Variants in HIP1 observed in about 807,000 individuals in gnomAD.
HIP1 encodes huntingtin interacting protein 1.
Under a neutral mutation model 147.6 loss-of-function variants are expected in HIP1, and 65 were observed. That is an observed-to-expected ratio of 0.44 (90% confidence interval 0.36 to 0.54). The LOEUF is 0.54. HIP1 is among the 20% of genes least tolerant of loss of function. The pLI is 0.00. For missense variants in HIP1, 1,061 were observed against 1,299.6 expected, an observed-to-expected ratio of 0.82 and a Z score of 2.82; for synonymous variants, 479 against 504.0, an observed-to-expected ratio of 0.95 and a Z score of 0.67.
chr7:75,660,253 G>A (rs945500904), intron 1 of HIP1, among the ~76,000 whole-genome samples: 5 of 150,668 alleles, frequency 3.3e-5, no homozygotes, highest in Admixed American at 3.3e-4. Context: ...TGGGCCTGGA[G>A]CAGTGGTTCA....
intron 1 of HIP1, among the ~76,000 whole-genome samples, chr7:75,632,923 G>A (rs1467674340): frequency 2.0e-5 from 3 of 152,126 alleles, no homozygotes; most frequent in East Asian, 1.9e-4. Context: ...ACGAAACACC[G>A]CATGTTCTCA....
chr7:75,730,393 G>A (rs1174156236), intron 1 of HIP1, among the ~76,000 whole-genome samples: 2 of 150,904 alleles, frequency 1.3e-5, no homozygotes, highest in Non-Finnish European at 2.9e-5. Context: ...AGGCTGGAGT[G>A]CAATGGCGCG....
intron 1 of HIP1, among the ~76,000 whole-genome samples, chr7:75,634,684 G>A (rs2117136779): frequency 6.6e-6 from 1 of 152,168 alleles, no homozygotes; most frequent in Non-Finnish European, 1.5e-5. Flanking sequence ...TCAGCACTTT[G>A]GGATGCTGAG....
chr7:75,682,359 C>A (rs2262259), intron 1 of HIP1, among the ~76,000 whole-genome samples: 6 of 151,258 alleles, frequency 4.0e-5, no homozygotes, highest in African/African-American at 1.5e-4. Flanking sequence ...TGGGCTCAAG[C>A]GATCCTCCCG....
chr7:75,701,960 C>T (rs1385016504), intron 1 of HIP1, among the ~76,000 whole-genome samples: 2 of 151,712 alleles, frequency 1.3e-5, no homozygotes, highest in Non-Finnish European at 2.9e-5. Flanking sequence ...GACAGAGTCT[C>T]GCTCTGTCGC....
chr7:75,685,383 C>T (rs1554517468), intron 1 of HIP1, among the ~76,000 whole-genome samples: 1 of 152,198 alleles, frequency 6.6e-6, no homozygotes, highest in Non-Finnish European at 1.5e-5. Context: ...TTTTGTTGGG[C>T]TTTTAAATTT....
chr7:75,563,347 C>T, intron 9 of HIP1, 84 bp from the exon 10 acceptor site: 2 of 1,230,618 alleles, frequency 1.6e-6, no homozygotes, highest in Non-Finnish European at 2.4e-6. Flanking sequence ...GGCTTTCCTG[C>T]CCCCTCCCCA....
chr7:75,587,032 C>T (rs1434239302), intron 4 of HIP1, among the ~76,000 whole-genome samples, 199 bp from the exon 5 acceptor site: 3 of 152,130 alleles, frequency 2.0e-5, no homozygotes, highest in Non-Finnish European at 4.4e-5. Flanking sequence ...CCTCCACCTC[C>T]TGGGTTCAAG....
chr7:75,734,291 T>C (rs1398856900), intron 1 of HIP1, among the ~76,000 whole-genome samples: 2 of 138,598 alleles, frequency 1.4e-5, no homozygotes, highest in South Asian at 4.6e-4. Flanking sequence ...TAAATAAATT[T>C]TAAAGATCAG....
intron 1 of HIP1, among the ~76,000 whole-genome samples, chr7:75,604,440 C>T (rs1327395804): frequency 1.3e-5 from 2 of 152,026 alleles, no homozygotes; most frequent in African/African-American, 4.8e-5. Context: ...TTAGGAGACT[C>T]AGGTGGGAAG....
chr7:75,597,719 G>A (rs587646926), intron 2 of HIP1, among the ~76,000 whole-genome samples: 202 of 125,290 alleles, frequency 1.6e-3, no homozygotes, highest in African/African-American at 6.1e-3. Flanking sequence ...CAGCCTAGGC[G>A]ACAGAGCAAG....
intron 28 of HIP1, among the ~76,000 whole-genome samples, chr7:75,542,205 G>A (rs1794348582): frequency 6.6e-6 from 1 of 152,106 alleles, no homozygotes; most frequent in South Asian, 2.1e-4. Context: ...AGACCAGCCT[G>A]GCCAACATGG....
In HIP1 at chr7:75,660,058, G is replaced by A. The variant is rs782068024; in HGVS notation, c.121-60811C>T. ...GAAGAATCGCGTGAACCGGAGAAGC[G>A]GAGGTTGCACTGAGCCGAGATAGTG... On this transcript the variant is annotated intron_variant, in intron 1 of 30. Transcript: ENST00000336926. 4.6e-5 allele frequency among the ~76,000 whole-genome samples: 7 copies of A among 150,870 alleles called. No homozygotes were observed. The East Asian group carries it at 5.9e-4, about 13-fold the overall frequency.
chr7:75,650,366 G>A (rs1798931273), intron 1 of HIP1, among the ~76,000 whole-genome samples: 2 of 152,052 alleles, frequency 1.3e-5, no homozygotes, highest in Non-Finnish European at 2.9e-5. Flanking sequence ...GCCCAGTTCA[G>A]GAGCTGCCAG....
intron 1 of HIP1, among the ~76,000 whole-genome samples, chr7:75,706,623 A>ATTTTTTT (rs71082342): frequency 2.9e-5 from 3 of 103,640 alleles, no homozygotes; most frequent in African/African-American, 1.2e-4. Flanking sequence ...TCAACTCGTC[A>ATTTTTTT]TTTTTTTTTT....
At chr7:75,700,450 T>C (rs1336295034) in intron 1 of HIP1, among the ~76,000 whole-genome samples, 2 of 152,138 alleles carry the variant, frequency 1.3e-5, no homozygotes, top group African/African-American at 2.4e-5. Context: ...GATGGGCCTT[T>C]GCAGAGAAAG....
intron 1 of HIP1, among the ~76,000 whole-genome samples, chr7:75,620,404 A>T (rs587641800): frequency 2.0e-5 from 3 of 148,410 alleles, no homozygotes; most frequent in African/African-American, 7.5e-5. Context: ...AAAAAAAAAA[A>T]GGCCAGGCAC....
At chr7:75,612,738 G>T (rs587732316) in intron 1 of HIP1, among the ~76,000 whole-genome samples, 1 of 152,224 alleles carries the variant, frequency 6.6e-6, no homozygotes, top group South Asian at 2.1e-4. Flanking sequence ...GAACCCAGGA[G>T]ATGGAGGTTG....
intron 22 of HIP1, among the ~76,000 whole-genome samples, chr7:75,549,617 G>A (rs1274676925): frequency 5.3e-5 from 8 of 151,758 alleles, no homozygotes; most frequent in African/African-American, 1.9e-4. Context: ...TAATCCTCCT[G>A]CCTCAGCCTC....
Sources: gnomAD v4.1 joint callset for allele counts (sites outside exome capture counted in the v4.1 genomes callset) on GRCh38, gnomAD v4.1.1 for gene constraint, MANE v1.5 for transcripts, NCBI Gene and HGNC (gene_info 2026-07-23, HGNC 2026-07-21) for gene names.